EPHA1: variants seen among roughly 807,000 people sequenced by gnomAD.
EPHA1 encodes the protein ephrin type-A receptor 1.
A neutral mutation model predicts 110.1 loss-of-function variants in EPHA1; 92 were observed. The ratio of observed to expected loss-of-function variants is 0.84; its 90% CI spans 0.71 to 0.99. The LOEUF is 0.99. Among genes scored for constraint, EPHA1 ranks in the 50% least tolerant of loss-of-function variants. The probability of loss-of-function intolerance (pLI) is 0.00; values close to 1 mark genes in which losing one functional copy is unlikely to be tolerated. For synonymous variants in EPHA1, 500 were observed against 516.1 expected, an observed-to-expected ratio of 0.97 and a Z score of 0.42; for missense variants, 1,204 against 1,285.4, an observed-to-expected ratio of 0.94 and a Z score of 0.97.
chr7:143,393,802 CAG>C lies in EPHA1; in HGVS notation c.2563_2564del (p.Leu855ValfsTer2). 1 of 1,609,482 alleles carries C rather than the reference CAG, an allele frequency of 6.2e-7. No homozygotes were observed. Among genetic ancestry groups the C allele is most frequent in the Non-Finnish European group, 8.5e-7 (1 of 1,177,254 alleles). ...LPPPVDCPAP[L>X]YELMKNCWAY... ...CCCAGCAGTTCTTCATGAGCTCATA[CAG>C]AGGGGCAGGGCAGTCCACAGGAGGG... On this transcript the variant is annotated frameshift_variant, in exon 16 of 18. Coordinates refer to ENST00000275815, the MANE Select transcript of EPHA1 (RefSeq NM_005232.5). LOFTEE classifies it high-confidence loss of function. This position sits in a 1 kb window ranked among gnomAD's most constrained non-coding sequence, Gnocchi z 5.6.
Position 143,399,778 on chromosome 7 carries a change from C to T in EPHA1, c.708G>A (p.Arg236=), listed in dbSNP as rs1269024449. 5 of 1,610,244 alleles carry T rather than the reference C, an allele frequency of 3.1e-6. No homozygotes were observed. In the Admixed American group the frequency reaches 8.4e-5, roughly 27 times the overall value. ...EVAGTCLPHA[R]ASPRPSGAPR... is the part of the protein sequence containing the mutation. ...GTGCACCTGAGGGCCTGGGGCTGGC[C>T]CGCGCGTGGGGCAAGCAGGTCCCCG... The change falls in exon 4 of 18, where the codon CGG becomes CGA. Residue 236 remains arginine, a synonymous_variant. Coordinates refer to ENST00000275815, the MANE Select transcript of EPHA1 (RefSeq NM_005232.5).
rs1805420504 is a variant in EPHA1 at position 143,401,534 on chromosome 7, G to T, written c.222C>A (p.Arg74=). The change falls in exon 3 of 18, where the codon CGC becomes CGA. Residue 74 remains arginine, a synonymous_variant. Coordinates refer to ENST00000275815, the MANE Select transcript of EPHA1 (RefSeq NM_005232.5). This position sits in a 1 kb window ranked among gnomAD's most constrained non-coding sequence, Gnocchi z 4.1. ...YMYQDCPMQG[R]RDTDHWLRSN... ...AGCGAAGCCAGTGGTCAGTGTCTCT[G>T]CGTCCTTGCATTGGGCAGTCCTGGT... 1 of 1,614,044 alleles carries T rather than the reference G, an allele frequency of 6.2e-7. No homozygotes were observed. Among genetic ancestry groups the T allele is most frequent in the Non-Finnish European group, 8.5e-7 (1 of 1,180,046 alleles).
Position 143,398,080 on chromosome 7 carries a change from G to A in EPHA1, c.1465-10C>T. On this transcript the variant is annotated splice_polypyrimidine_tract_variant and intron_variant, in intron 7 of 17. Transcript: ENST00000275815. Reference sequence around the variant, plus strand: ...GGTACCGTTCTTCATCCTGTGGGTTGGAGTTGCATTAAGTGGGCAGTGCTG... The same window carrying A: ...GGTACCGTTCTTCATCCTGTGGGTTAGAGTTGCATTAAGTGGGCAGTGCTG... The A allele has an allele frequency of 4.3e-6, 7 of 1,613,772 alleles. No homozygotes were observed. Among genetic ancestry groups the A allele is most frequent in the Middle Eastern group, 1.7e-4 (1 of 6,060 alleles).
intron 2 of EPHA1, among the ~76,000 whole-genome samples, chr7:143,403,131 C>T (rs1002458041): frequency 7.2e-5 from 11 of 152,162 alleles, no homozygotes; most frequent in Non-Finnish European, 1.0e-4. Flanking sequence ...CTTTGGGAGG[C>T]CCAGGAAGGC....
chr7:143,398,455 G>A lies in EPHA1; in HGVS notation c.1337-7C>T, dbSNP rs1427483113. 1 of 1,614,006 alleles carries A rather than the reference G, an allele frequency of 6.2e-7. No individual in the cohort carries two copies. Among genetic ancestry groups the A allele is most frequent in the African/African-American group, 1.3e-5 (1 of 74,926 alleles). On this transcript the variant is annotated splice_region_variant and splice_polypyrimidine_tract_variant and intron_variant, in intron 6 of 17. Coordinates refer to ENST00000275815, the MANE Select transcript of EPHA1 (RefSeq NM_005232.5). The stretch of plus-strand genomic sequence containing the variant: ...GACAGGCCTGACAGTGACTCTGGGG[G>A]TCCAGAGGGATAAGGTTGGATATGT...
chr7:143,403,091 G>A (rs933382151), intron 2 of EPHA1, among the ~76,000 whole-genome samples: 2 of 152,356 alleles, frequency 1.3e-5, no homozygotes, highest in African/African-American at 4.8e-5. Context: ...TGAGGGCCGG[G>A]AGTGGTGGCT....
At position 143,396,387 on chromosome 7, in the gene EPHA1, TCTC is replaced by T. The variant is rs1237546712; in HGVS notation, c.1892_1894del (p.Gly631del). ...CTGCGGTGCACAGCAGGACTCACCT[TCTC>T]CTATGACAGTGTCCACCATCAGCCA... On this transcript the variant is annotated inframe_deletion, in exon 11 of 18. Coordinates refer to ENST00000275815, the MANE Select transcript of EPHA1 (RefSeq NM_005232.5). 1.2e-6 allele frequency: 2 copies of T among 1,611,510 alleles called. No homozygotes were observed. Among genetic ancestry groups the T allele is most frequent in the African/African-American group, 2.7e-5 (2 of 74,836 alleles).
In EPHA1 at chr7:143,401,451, G is replaced by C; in HGVS notation, c.305C>G (p.Thr102Ser). 1 of 1,614,104 alleles carries C rather than the reference G, an allele frequency of 6.2e-7. No homozygotes were observed. The highest frequency in any genetic ancestry group is 8.5e-7 in the Non-Finnish European group (1 of 1,180,032). Residue 102 changes from threonine to serine, a missense_variant, in exon 3 of 18, where the codon ACC becomes AGC. Transcript: ENST00000275815. This position sits in a 1 kb window ranked among gnomAD's most constrained non-coding sequence, Gnocchi z 4.1. ...ASRVHVELQF[T>S]VRDCKSFPGG... The stretch of plus-strand genomic sequence containing the variant: ...AGGGAAACTCTTGCAGTCCCGCACG[G>C]TGAACTGCAGCTCCACGTGGACGCG...
At position 143,391,561 on chromosome 7, in the gene EPHA1, T is replaced by G. The variant is rs754002047; in HGVS notation, c.2853-26A>C. On this transcript the variant is annotated intron_variant, in intron 17 of 17. Coordinates refer to ENST00000275815, the MANE Select transcript of EPHA1 (RefSeq NM_005232.5). Reference sequence around the variant, plus strand: ...CTGTGGGCAAGGAAGGGTGGGGGCATGAGTCCGGAGGCTCCACCCCCGCAG... The same window carrying G: ...CTGTGGGCAAGGAAGGGTGGGGGCAGGAGTCCGGAGGCTCCACCCCCGCAG... 25 of 1,614,128 alleles carry G rather than the reference T, an allele frequency of 1.5e-5. No individual in the cohort carries two copies. In the South Asian group the frequency reaches 2.6e-4, roughly 17 times the overall value.
rs2116632024 is a variant in EPHA1 at position 143,401,608 on chromosome 7, G to A, written c.151-3C>T. On this transcript the variant is annotated splice_polypyrimidine_tract_variant and splice_region_variant and intron_variant, in intron 2 of 17. Transcript: ENST00000275815. This position sits in a 1 kb window ranked among gnomAD's most constrained non-coding sequence, Gnocchi z 4.1. ...AGTATCTGTTGCTGTTCACTCCACT[G>A]CAAGGAGGAAATCAGAGTCAGGGAC... 2.5e-6 allele frequency: 4 copies of A among 1,606,572 alleles called. No homozygotes were observed. The highest frequency in any genetic ancestry group is 3.4e-6 in the Non-Finnish European group (4 of 1,173,788).
intron 16 of EPHA1, 69 bp from the exon 17 acceptor site, chr7:143,391,844 A>G: frequency 1.3e-6 from 2 of 1,578,452 alleles, no homozygotes. Flanking sequence ...GCCTCTGAGC[A>G]TCAGCAGCCA....
chr7:143,404,982 A>AAC (rs1178512699), intron 2 of EPHA1, among the ~76,000 whole-genome samples: 1 of 102,204 alleles, frequency 9.8e-6, no homozygotes, highest in African/African-American at 3.6e-5. Context: ...GGAAAAGGCA[A>AAC]AAAAAAAAAT....
At position 143,401,486 on chromosome 7, in the gene EPHA1, C is replaced by G; in HGVS notation, c.270G>C (p.Glu90Asp). 6.2e-7 allele frequency: 1 copy of G among 1,614,156 alleles called. No individual in the cohort carries two copies. Among genetic ancestry groups the G allele is most frequent in the East Asian group, 2.2e-5 (1 of 44,876 alleles). Reference protein sequence around the residue: ...WLRSNWIYRGEEASRVHVELQ... With the variant: ...WLRSNWIYRGDEASRVHVELQ... The stretch of plus-strand genomic sequence containing the variant: ...GCTCCACGTGGACGCGGGAAGCCTC[C>G]TCCCCGCGGTAGATCCAATTGGAGC... Residue 90 changes from glutamate to aspartate, a missense_variant, in exon 3 of 18, where the codon GAG (glutamate) becomes GAC (aspartate). Coordinates refer to ENST00000275815, the MANE Select transcript of EPHA1 (RefSeq NM_005232.5). This position sits in a 1 kb window ranked among gnomAD's most constrained non-coding sequence, Gnocchi z 4.1.
chr7:143,403,514 A>G (rs1419827850), intron 2 of EPHA1, among the ~76,000 whole-genome samples: 2 of 152,136 alleles, frequency 1.3e-5, no homozygotes, highest in Non-Finnish European at 2.9e-5. Flanking sequence ...ACATTTAGAC[A>G]GCTTCTAGTT....
Position 143,397,316 on chromosome 7 carries a change from C to G in EPHA1, c.1759G>C (p.Asp587His), listed in dbSNP as rs866192433. 1 of 1,549,558 alleles carries G rather than the reference C, an allele frequency of 6.5e-7. No homozygotes were observed. Among genetic ancestry groups the G allele is most frequent in the Non-Finnish European group, 8.7e-7 (1 of 1,146,808 alleles). Residue 587 changes from aspartate (D) to histidine (H), a missense_variant, in exon 10 of 18, where the codon GAT (aspartate) becomes CAT (histidine). Physicochemically the swap from Asp to His is moderately conservative, Grantham distance 81 (BLOSUM62 -1). Transcript: ENST00000275815. ...GCACCCGACTCACCTCGATCCACATCGGTGGCGCGGTCACGCTGCCTCTGC... is the reference window on the plus strand; with the variant it reads ...GCACCCGACTCACCTCGATCCACATGGGTGGCGCGGTCACGCTGCCTCTGC... Reference protein sequence around the residue: ...RQQRQRDRATDVDREDKLWLK... With the variant: ...RQQRQRDRATHVDREDKLWLK...
rs1330301403 is a variant in EPHA1, at chr7:143,393,641, G to A, written c.2696+30C>T. Reference sequence around the variant, plus strand: ...TTCCACTCTCCTAGCGCTGCCTCTGGGTTCCCTAGTCCTTCCCCTGCATGG... The same window carrying A: ...TTCCACTCTCCTAGCGCTGCCTCTGAGTTCCCTAGTCCTTCCCCTGCATGG... On this transcript the variant is annotated intron_variant, in intron 16 of 17. Coordinates refer to ENST00000275815, the MANE Select transcript of EPHA1 (RefSeq NM_005232.5). This position sits in a 1 kb window ranked among gnomAD's most constrained non-coding sequence, Gnocchi z 5.6. 1.2e-6 allele frequency: 2 copies of A among 1,608,038 alleles called. No homozygotes were observed. Among genetic ancestry groups the A allele is most frequent in the Non-Finnish European group, 1.7e-6 (2 of 1,177,318 alleles).
At chr7:143,404,093 T>A (rs1805485711) in intron 2 of EPHA1, among the ~76,000 whole-genome samples, 1 of 152,230 alleles carries the variant, frequency 6.6e-6, no homozygotes, top group African/African-American at 2.4e-5. Flanking sequence ...ATATTTGACT[T>A]GGGAAGTTTT....
rs115011383 is a variant in EPHA1, at chr7:143,394,750, A to G, written c.2352+58T>C. The G allele has an allele frequency of 6.2e-4, 984 of 1,593,648 alleles. 2 individuals carry two copies. The African/African-American group carries it at 0.012, about 20-fold the overall frequency. ...TTTGTGCCTATATACATGTGACTGT[A>G]TGAATGGCATGTTACGGGGCAATGT... On this transcript the variant is annotated intron_variant, in intron 14 of 17. Transcript: ENST00000275815.
intron 11 of EPHA1, 103 bp downstream of exon 11, chr7:143,396,282 C>A (rs1355102938): frequency 1.9e-5 from 28 of 1,454,888 alleles, no homozygotes; most frequent in Admixed American, 2.3e-5. Flanking sequence ...ACCAGAGAAG[C>A]CAGCTGGGCT....
Sources: allele counts gnomAD v4.1 joint callset (sites outside exome capture counted in the v4.1 genomes callset), GRCh38; gene constraint gnomAD v4.1.1; non-coding constraint Gnocchi (gnomAD v3.1); transcripts MANE v1.5; gene names NCBI Gene and HGNC (gene_info 2026-07-23, HGNC 2026-07-21).